Variants in DOCK1 observed in about 807,000 individuals in gnomAD.
The protein encoded by DOCK1 is dedicator of cytokinesis protein 1.
In DOCK1, 138 loss-of-function variants were observed where a neutral mutation model predicts 262.7. That is an observed-to-expected ratio of 0.53 (90% CI 0.46 to 0.61). DOCK1 has a LOEUF of 0.61. Among genes scored for constraint, DOCK1 ranks in the 20% least tolerant of loss-of-function variants. DOCK1 has a pLI of 0.00. For synonymous variants in DOCK1, 866 were observed against 867.4 expected (o/e 1.00, Z 0.03); for missense variants, 1,908 against 2,370.7 (o/e 0.80, Z 4.05).
intron 11 of DOCK1, among the ~76,000 whole-genome samples, chr10:127,011,685 C>T (rs9418690): frequency 0.25 from 38,366 of 151,604 alleles, 4,855 homozygotes; most frequent in South Asian, 0.33. Flanking sequence ...TCTCCACACA[C>T]GGTACCATTC....
intron 27 of DOCK1, among the ~76,000 whole-genome samples, chr10:127,205,426 A>G (rs1027025696): frequency 2.0e-5 from 3 of 152,134 alleles, no homozygotes; most frequent in Non-Finnish European, 4.4e-5. Flanking sequence ...GGCGAGTTGC[A>G]TGATGCATTC....
chr10:126,961,369 CTT>C (rs2037205379), intron 1 of DOCK1, among the ~76,000 whole-genome samples: 3 of 152,158 alleles, frequency 2.0e-5, no homozygotes, highest in African/African-American at 7.2e-5. Context: ...GGGCGGATCA[CTT>C]GAGGTCAGGA....
chr10:127,280,854 C>T (rs1209575673), intron 29 of DOCK1, among the ~76,000 whole-genome samples: 1 of 152,022 alleles, frequency 6.6e-6, no homozygotes, highest in African/African-American at 2.4e-5. Context: ...ACGCTAAGAA[C>T]ATCGGAATAT....
intron 27 of DOCK1, among the ~76,000 whole-genome samples, chr10:127,215,732 G>GA (rs553603193): frequency 6.6e-6 from 1 of 151,942 alleles, no homozygotes; most frequent in Admixed American, 6.6e-5. Flanking sequence ...AAATAAGTAG[G>GA]AAAAAAAGTC....
intron 23 of DOCK1, among the ~76,000 whole-genome samples, chr10:127,068,534 G>T (rs3903040): frequency 0.072 from 10,933 of 152,158 alleles, 460 homozygotes; most frequent in East Asian, 0.13. Context: ...AAACAAAGCA[G>T]CCATTTATTG....
At chr10:126,941,507 A>G (rs1317125196) in intron 1 of DOCK1, among the ~76,000 whole-genome samples, 2 of 152,226 alleles carry the variant, frequency 1.3e-5, no homozygotes, top group African/African-American at 2.4e-5. Context: ...CTGTAATCCC[A>G]GCACTGTGGG....
At chr10:127,140,230 A>G (rs1248131612) in intron 27 of DOCK1, among the ~76,000 whole-genome samples, 1 of 152,218 alleles carries the variant, frequency 6.6e-6, no homozygotes, top group Non-Finnish European at 1.5e-5. Context: ...TAACCAATTT[A>G]TCACACCAAG....
intron 29 of DOCK1, among the ~76,000 whole-genome samples, chr10:127,261,338 CGT>C (rs1216370649): frequency 8.6e-5 from 3 of 34,960 alleles, no homozygotes; most frequent in East Asian, 9.1e-4. Context: ...TGTGGGTGTG[CGT>C]GTGTGTACCC....
intron 1 of DOCK1, among the ~76,000 whole-genome samples, chr10:126,968,575 G>A (rs2037852324): frequency 6.6e-6 from 1 of 152,186 alleles, no homozygotes; most frequent in South Asian, 2.1e-4. Context: ...TTATGTGTAT[G>A]TGCTTTACAA....
intron 27 of DOCK1, among the ~76,000 whole-genome samples, chr10:127,193,304 G>GT (rs2056878970): frequency 1.3e-5 from 2 of 152,126 alleles, no homozygotes; most frequent in Admixed American, 6.6e-5. Context: ...AATGACGGTG[G>GT]TTTGCCTCAA....
At chr10:127,320,761 G>A (rs187394742) in intron 29 of DOCK1, among the ~76,000 whole-genome samples, 1 of 152,302 alleles carries the variant, frequency 6.6e-6, no homozygotes, top group Admixed American at 6.5e-5. Context: ...AGCACTAGGT[G>A]TGGCAGGTGT....
In DOCK1 at chr10:127,176,102, G is replaced by T. The variant is rs762779861; in HGVS notation, c.2847+48338G>T. The T allele has an allele frequency of 1.2e-6, 2 of 1,614,166 alleles. No homozygotes were observed. Among genetic ancestry groups the T allele is most frequent in the South Asian group, 2.2e-5 (2 of 91,084 alleles). Reference sequence around the variant, plus strand: ...TCTGCACGCCTGTGCTCTTGGTGACGTTGGGGATGGACCTGCGTGCGGGCA... The same window carrying T: ...TCTGCACGCCTGTGCTCTTGGTGACTTTGGGGATGGACCTGCGTGCGGGCA... On this transcript the variant is annotated intron_variant, in intron 27 of 51. Coordinates refer to ENST00000623213, the MANE Select transcript of DOCK1 (RefSeq NM_001290223.2). This position sits in a 1 kb window ranked among gnomAD's most constrained non-coding sequence, Gnocchi z 4.4.
rs1220944266 is a variant in DOCK1, at chr10:127,127,717, A to T, written c.2800A>T (p.Thr934Ser). The change falls in exon 27 of 52, where the codon ACC (threonine) becomes TCC (serine). Residue 934 changes from threonine (T) to serine (S), a missense_variant. Thr to Ser is a moderately conservative substitution (Grantham distance 58). Coordinates refer to ENST00000623213, the MANE Select transcript of DOCK1 (RefSeq NM_001290223.2). ...VQIIMEKLLRTVNRTVISMGR... is the reference protein window; with the variant it reads ...VQIIMEKLLRSVNRTVISMGR... ...GATTATCATGGAGAAACTTCTCCGGACCGTGAACCGAACCGTCATTTCCAT... is the reference window on the plus strand; with the variant it reads ...GATTATCATGGAGAAACTTCTCCGGTCCGTGAACCGAACCGTCATTTCCAT... 5 of 1,613,240 alleles carry T rather than the reference A, an allele frequency of 3.1e-6. No homozygotes were observed. The highest frequency in any genetic ancestry group is 4.2e-6 in the Non-Finnish European group (5 of 1,179,424).
intron 1 of DOCK1, among the ~76,000 whole-genome samples, chr10:126,912,502 A>G (rs1364633545): frequency 2.6e-5 from 4 of 151,154 alleles, no homozygotes; most frequent in South Asian, 2.1e-4. Flanking sequence ...CAAGGCGGGG[A>G]GATCACGAGG....
chr10:126,996,679 G>T, intron 6 of DOCK1, 69 bp from the exon 7 acceptor site: 1 of 1,441,302 alleles, frequency 6.9e-7, no homozygotes. Flanking sequence ...TGCTGTGGTG[G>T]AAGTTGTGCT....
intron 29 of DOCK1, among the ~76,000 whole-genome samples, chr10:127,326,940 C>T (rs939927731): frequency 6.6e-6 from 1 of 152,148 alleles, no homozygotes; most frequent in African/African-American, 2.4e-5. Context: ...TGTCAATGAG[C>T]AGTAATATTT....
At chr10:127,017,193 A>G (rs1424222108) in intron 12 of DOCK1, among the ~76,000 whole-genome samples, 1 of 150,968 alleles carries the variant, frequency 6.6e-6, no homozygotes, top group African/African-American at 2.4e-5. Context: ...CCACACATAC[A>G]CACGCACACA....
intron 38 of DOCK1, among the ~76,000 whole-genome samples, chr10:127,401,280 G>A (rs11017868): frequency 0.036 from 5,458 of 152,306 alleles, 132 homozygotes; most frequent in Non-Finnish European, 0.052. Context: ...CCGCAAATCT[G>A]TATAGCTCTG....
intron 48 of DOCK1, among the ~76,000 whole-genome samples, chr10:127,434,944 G>A (rs976276697): frequency 4.6e-5 from 7 of 152,064 alleles, no homozygotes; most frequent in South Asian, 4.1e-4. Context: ...GAGCCACCGC[G>A]CCTGGCCAAC....
Sources: gnomAD v4.1 joint callset for allele counts (sites outside exome capture counted in the v4.1 genomes callset) on GRCh38, gnomAD v4.1.1 for gene constraint, Gnocchi (gnomAD v3.1) non-coding constraint, MANE v1.5 for transcripts, NCBI Gene and HGNC (gene_info 2026-07-23, HGNC 2026-07-21) for gene names.